Variants in CRTC1 observed in about 807,000 individuals in gnomAD.
The protein encoded by CRTC1 is CREB regulated transcription coactivator 1, also known as CREB-regulated transcription coactivator 1.
A neutral mutation model predicts 66.1 loss-of-function variants in CRTC1; 18 were observed. The ratio of observed to expected loss-of-function variants is 0.27; its 90% CI spans 0.19 to 0.40. CRTC1 has a LOEUF of 0.40. Ranked by LOEUF, CRTC1 falls within the 10% of genes least tolerant of loss-of-function variation. The pLI, the probability that CRTC1 is intolerant of heterozygous loss-of-function variation, is 1.00. For missense variants in CRTC1, 669 were observed against 887.9 expected (o/e 0.75, Z 3.13); for synonymous variants, 416 against 398.8 (o/e 1.04, Z -0.51).
chr19:18,737,584 C>T (rs976623351), intron 1 of CRTC1, among the ~76,000 whole-genome samples: 19 of 152,050 alleles, frequency 1.2e-4, no homozygotes, highest in African/African-American at 4.6e-4. Context: ...CAAAAAGATA[C>T]GTCCACACTC....
In CRTC1 at chr19:18,696,190, C is replaced by T. The variant is rs142776101; in HGVS notation, c.126+12362C>T. On this transcript the variant is annotated intron_variant, in intron 1 of 13. Coordinates refer to ENST00000321949, the MANE Select transcript of CRTC1 (RefSeq NM_015321.3). ...CCATCTGACCCAGGTTGGACTAACC[C>T]CGCAGCCTGTGTGTTTTTGCCGTGT... Among the ~76,000 whole-genome samples, 400 of 152,298 alleles carry T rather than the reference C, an allele frequency of 2.6e-3. 5 individuals are homozygous for T. The highest frequency in any genetic ancestry group is 8.7e-3 in the African/African-American group (362 of 41,568).
chr19:18,767,782 A>G (rs1320650497), intron 9 of CRTC1, among the ~76,000 whole-genome samples: 6 of 152,100 alleles, frequency 3.9e-5, no homozygotes, highest in Non-Finnish European at 8.8e-5. Context: ...CTCTTCACAA[A>G]TGACCCACTG....
At chr19:18,724,971 C>G (rs1224320921) in intron 1 of CRTC1, among the ~76,000 whole-genome samples, 4 of 151,898 alleles carry the variant, frequency 2.6e-5, no homozygotes, top group African/African-American at 9.7e-5. Flanking sequence ...GACCCTGTCA[C>G]CCCCTGCCCA....
chr19:18,700,047 G>A (rs1033102210), intron 1 of CRTC1, among the ~76,000 whole-genome samples: 2 of 152,150 alleles, frequency 1.3e-5, no homozygotes, highest in Non-Finnish European at 2.9e-5. Context: ...GAGGGTTGGC[G>A]ACGGGAGGGT....
rs552763506 is a variant in CRTC1, at chr19:18,749,250, G to A, written c.444-531G>A. Among the ~76,000 whole-genome samples, 5 of 152,268 alleles carry A rather than the reference G, an allele frequency of 3.3e-5. No individual in the cohort carries two copies. In the South Asian group the frequency reaches 8.3e-4, roughly 25 times the overall value. ...GCCTCTAAGTGGCTTCATTCCTTCC[G>A]GGGCCTTCTCCTAGCCCATTCCACC... On this transcript the variant is annotated intron_variant, in intron 4 of 13. Transcript: ENST00000321949.
chr19:18,766,225 A>T (rs2054731333), intron 9 of CRTC1, among the ~76,000 whole-genome samples: 1 of 146,624 alleles, frequency 6.8e-6, no homozygotes, highest in Non-Finnish European at 1.5e-5. Flanking sequence ...GGTTCAAGCC[A>T]TTCACCTGCC....
At chr19:18,753,973 C>T (rs141123740) in intron 6 of CRTC1, among the ~76,000 whole-genome samples, 576 of 152,020 alleles carry the variant, frequency 3.8e-3, no homozygotes, top group African/African-American at 0.013. Context: ...TGGTAGTGCA[C>T]GCCTGTAATC....
chr19:18,686,261 T>C (rs950672597), intron 1 of CRTC1, among the ~76,000 whole-genome samples: 2 of 152,252 alleles, frequency 1.3e-5, no homozygotes, highest in Non-Finnish European at 2.9e-5. Context: ...TGTAGTATCA[T>C]GGATCAGTGC....
chr19:18,753,792 C>T (rs1011126370), intron 6 of CRTC1, among the ~76,000 whole-genome samples: 2 of 152,040 alleles, frequency 1.3e-5, no homozygotes, highest in African/African-American at 2.4e-5. Flanking sequence ...TCCAACAGGC[C>T]GGAACTGCAC....
chr19:18,767,113 T>G (rs1435103797), intron 9 of CRTC1, among the ~76,000 whole-genome samples: 1 of 152,156 alleles, frequency 6.6e-6, no homozygotes, highest in Non-Finnish European at 1.5e-5. Flanking sequence ...TTCTAGAAAT[T>G]TATCCATTTT....
chr19:18,777,054 C>T lies in CRTC1; in HGVS notation c.1694-117C>T. Reference sequence around the variant, plus strand: ...TCATGACAGCTGGAATGTCCCCAGACATTGCCAGCATACCCAGGGGACAGA... The same window carrying T: ...TCATGACAGCTGGAATGTCCCCAGATATTGCCAGCATACCCAGGGGACAGA... On this transcript the variant is annotated intron_variant, in intron 13 of 13. Coordinates refer to ENST00000321949, the MANE Select transcript of CRTC1 (RefSeq NM_015321.3). The surrounding 1 kb of genome is among the most constrained non-coding windows in gnomAD (Gnocchi z 5.5). 2 of 659,326 alleles carry T rather than the reference C, an allele frequency of 3.0e-6. No homozygotes were observed. Among genetic ancestry groups the T allele is most frequent in the Non-Finnish European group, 5.4e-6 (2 of 367,710 alleles). The allele number at this position is 659,326 out of a possible 1,614,324, so 40.8% of individuals were successfully genotyped here.
chr19:18,735,714 A>G (rs117965592), intron 1 of CRTC1: 2,295 of 152,874 alleles, frequency 0.015, 31 homozygotes, highest in Middle Eastern at 0.05. Flanking sequence ...CTCAGACCCT[A>G]TGAGCTCCCA....
chr19:18,756,187 G>T (rs1181234120), intron 6 of CRTC1, among the ~76,000 whole-genome samples: 1 of 152,016 alleles, frequency 6.6e-6, no homozygotes, highest in Non-Finnish European at 1.5e-5. Flanking sequence ...CAAAAAATTA[G>T]CCAGGTGTGG....
intron 1 of CRTC1, among the ~76,000 whole-genome samples, chr19:18,736,670 A>G (rs2054003115): frequency 6.6e-6 from 1 of 151,628 alleles, no homozygotes; most frequent in African/African-American, 2.4e-5. Flanking sequence ...GCCTATGGTC[A>G]TGGAGAGTGG....
At chr19:18,772,972 C>T (rs915360603) in intron 11 of CRTC1, among the ~76,000 whole-genome samples, 1 of 152,014 alleles carries the variant, frequency 6.6e-6, no homozygotes, top group Non-Finnish European at 1.5e-5. Flanking sequence ...TGAGACAGGA[C>T]GGGACAGGAA....
chr19:18,765,669 C>A, intron 9 of CRTC1, 141 bp downstream of exon 9: 1 of 849,696 alleles, frequency 1.2e-6, no homozygotes, highest in South Asian at 2.2e-5. Context: ...TTTTTATTAT[C>A]AAATTTTCAA....
At chr19:18,764,328 CTT>C (rs978495735) in intron 8 of CRTC1, among the ~76,000 whole-genome samples, 3 of 152,378 alleles carry the variant, frequency 2.0e-5, no homozygotes, top group African/African-American at 7.2e-5. Flanking sequence ...CAGGGCCTCA[CTT>C]TGAACCGGAG....
At position 18,697,131 on chromosome 19, in the gene CRTC1, C is replaced by T. The variant is rs561734076; in HGVS notation, c.126+13303C>T. Among the ~76,000 whole-genome samples, 11 of 152,126 alleles carry T rather than the reference C, an allele frequency of 7.2e-5. No individual in the cohort carries two copies. In the South Asian group the frequency reaches 1.0e-3, roughly 14 times the overall value. The stretch of plus-strand genomic sequence containing the variant: ...CAGGTGTGTAAATAAGGAAGTGCCG[C>T]GTGCCTCGAGGGCCAGGGATGCCCG... On this transcript the variant is annotated intron_variant, in intron 1 of 13. Coordinates refer to ENST00000321949, the MANE Select transcript of CRTC1 (RefSeq NM_015321.3).
intron 13 of CRTC1, 53 bp downstream of exon 13, chr19:18,775,874 G>T (rs2054977263): frequency 2.0e-6 from 3 of 1,501,150 alleles, no homozygotes; most frequent in Admixed American, 2.3e-5. Flanking sequence ...CTCAGCCCGT[G>T]CGGAGACAGC....
Sources: gnomAD v4.1 joint callset for allele counts (sites outside exome capture counted in the v4.1 genomes callset) on GRCh38, gnomAD v4.1.1 for gene constraint, Gnocchi (gnomAD v3.1) non-coding constraint, MANE v1.5 for transcripts, NCBI Gene and HGNC (gene_info 2026-07-23, HGNC 2026-07-21) for gene names.